Variants in ERLIN2 observed in about 807,000 individuals in gnomAD.
ERLIN2 encodes erlin-2.
In ERLIN2, 22 loss-of-function variants were observed where a neutral mutation model predicts 41.5. The ratio of observed to expected loss-of-function variants is 0.53; its 90% CI spans 0.38 to 0.76. The LOEUF (loss-of-function observed/expected upper bound fraction) is 0.76, where lower values mean the gene tolerates loss of function less well. Among genes scored for constraint, ERLIN2 ranks in the 30% least tolerant of loss-of-function variants. The pLI is 0.00. For synonymous variants in ERLIN2, 149 were observed against 150.9 expected (o/e 0.99, Z 0.09); for missense variants, 247 against 414.3 (o/e 0.60, Z 3.51).
At position 37,754,159 on chromosome 8, in the gene ERLIN2, A is replaced by G. The variant is rs1427483314; in HGVS notation, c.*44A>G. On this transcript the variant is annotated 3_prime_UTR_variant, in exon 12 of 12. Coordinates refer to ENST00000519638, the MANE Select transcript of ERLIN2 (RefSeq NM_007175.8). ...GCAAATGATACTTAAGCAGATCTTT[A>G]TTTTTTAAGATGAATCAGAATGTTC... 1 of 1,357,016 alleles carries G rather than the reference A, an allele frequency of 7.4e-7. No individual in the cohort carries two copies. The highest frequency in any genetic ancestry group is 1.0e-6 in the Non-Finnish European group (1 of 954,800). 84.1% of individuals were successfully genotyped at this position (1,357,016 alleles called of 1,614,324 possible).
At chr8:37,745,178 C>T in intron 6 of ERLIN2, 1 of 468,520 alleles carries the variant, frequency 2.1e-6, no homozygotes, top group Non-Finnish European at 3.8e-6. Context: ...TTCTTCTCAC[C>T]ATGCAACACT....
At chr8:37,747,291 A>T (rs1486241417) in intron 6 of ERLIN2, 1 of 843,916 alleles carries the variant, frequency 1.2e-6, no homozygotes, top group Non-Finnish European at 2.1e-6. Flanking sequence ...TTGTCTCCTG[A>T]TCTAAATGCT....
rs1467763984 is a variant in ERLIN2, at chr8:37,756,431, T to C, written c.*2316T>C. 1 of 152,574 alleles carries C rather than the reference T, an allele frequency of 6.6e-6. No individual in the cohort carries two copies. The highest frequency in any genetic ancestry group is 1.5e-5 in the Non-Finnish European group (1 of 68,054). 9.5% of individuals were successfully genotyped at this position (152,574 alleles called of 1,614,324 possible). A position where few individuals can be genotyped will look rare whatever the true frequency, so the allele number is the denominator to read the frequency against. ...CTCAGCTTCTCTGAATAGCACACTTTGCTCAGGTCTTAACTTGAGGGCCTC... is the reference window on the plus strand; with the variant it reads ...CTCAGCTTCTCTGAATAGCACACTTCGCTCAGGTCTTAACTTGAGGGCCTC... On this transcript the variant is annotated 3_prime_UTR_variant, in exon 12 of 12. Transcript: ENST00000519638.
At chr8:37,743,399 C>G (rs911570215) in intron 4 of ERLIN2, among the ~76,000 whole-genome samples, 1 of 152,174 alleles carries the variant, frequency 6.6e-6, no homozygotes, top group Admixed American at 6.5e-5. Context: ...AGGTGACCAC[C>G]TTTTTGTCAC....
chr8:37,749,501 C>G, intron 6 of ERLIN2, 58 bp from the exon 7 acceptor site: 132 of 1,149,322 alleles, frequency 1.1e-4, no homozygotes, highest in Middle Eastern at 1.9e-4. Flanking sequence ...CCTCATCCTG[C>G]CCTCCCTCAT....
Position 37,741,740 on chromosome 8 carries a change from C to A in ERLIN2, c.190-32C>A, listed in dbSNP as rs1396004264. 1 of 1,586,062 alleles carries A rather than the reference C, an allele frequency of 6.3e-7. No homozygotes were observed. Among genetic ancestry groups the A allele is most frequent in the Admixed American group, 1.7e-5 (1 of 59,988 alleles). ...AGTAAGTTACTTTGTCACTGCCCATCTTCTAGCACTTTATGTTTCCTCTGT... is the reference window on the plus strand; with the variant it reads ...AGTAAGTTACTTTGTCACTGCCCATATTCTAGCACTTTATGTTTCCTCTGT... On this transcript the variant is annotated intron_variant, in intron 3 of 11. Transcript: ENST00000519638. The surrounding 1 kb of genome is among the most constrained non-coding windows in gnomAD (Gnocchi z 4.8).
chr8:37,746,140 A>G (rs901310917), intron 6 of ERLIN2: 1 of 992,894 alleles, frequency 1.0e-6, no homozygotes, highest in Non-Finnish European at 1.2e-6. Context: ...AGCAAGCACT[A>G]CTTGGCTTAG....
intron 6 of ERLIN2, chr8:37,747,701 A>G (rs1362149376): frequency 1.3e-6 from 2 of 1,579,666 alleles, no homozygotes; most frequent in Admixed American, 1.7e-5. Context: ...TGGGATTGGT[A>G]GAAGAGCAGC....
intron 11 of ERLIN2, among the ~76,000 whole-genome samples, 156 bp from the exon 12 acceptor site, chr8:37,753,759 C>T (rs1405310963): frequency 6.6e-6 from 1 of 152,090 alleles, no homozygotes; most frequent in Non-Finnish European, 1.5e-5. Context: ...CACCTATGCT[C>T]CAAGATCTGA....
Position 37,757,132 on chromosome 8 carries a change from A to T in ERLIN2, c.*3017A>T, listed in dbSNP as rs1005927226. ...TTATAAATGATCATTCACTGTTCCT[A>T]TGGTTCTATGTATCTTTCAAACCGA... On this transcript the variant is annotated 3_prime_UTR_variant, in exon 12 of 12. Coordinates refer to ENST00000519638, the MANE Select transcript of ERLIN2 (RefSeq NM_007175.8). The T allele has an allele frequency of 6.6e-6, 1 of 152,202 alleles. No homozygotes were observed. Among genetic ancestry groups the T allele is most frequent in the African/African-American group, 2.4e-5 (1 of 41,462 alleles). The allele number at this position is 152,202 out of a possible 1,614,324, so 9.4% of individuals were successfully genotyped here.
In ERLIN2 at chr8:37,754,055, T is replaced by C; in HGVS notation, c.960T>C (p.Ala320=). The C allele has an allele frequency of 6.2e-7, 1 of 1,614,150 alleles. No individual in the cohort carries two copies. Among genetic ancestry groups the C allele is most frequent in the Non-Finnish European group, 8.5e-7 (1 of 1,180,010 alleles). ...GSVSKQFEGL[A]DKLSFGLEDE... ...TGAGCAAGCAGTTTGAGGGGCTAGC[T>C]GACAAGCTAAGCTTTGGCTTAGAAG... Residue 320 remains alanine, a synonymous_variant, in exon 12 of 12, where the codon GCT becomes GCC. Transcript: ENST00000519638.
At chr8:37,747,702 G>A in intron 6 of ERLIN2, 1 of 1,580,974 alleles carries the variant, frequency 6.3e-7, no homozygotes, top group South Asian at 1.1e-5. Flanking sequence ...GGGATTGGTA[G>A]AAGAGCAGCA....
In ERLIN2 at chr8:37,756,067, T is replaced by A. The variant is rs1318432825; in HGVS notation, c.*1952T>A. On this transcript the variant is annotated 3_prime_UTR_variant, in exon 12 of 12. Transcript: ENST00000519638. ...AGCCGGGCATGGTGTCAGGCACCTG[T>A]AATCCCAGCTACTTGGGAGGCTGAG... 1 of 152,246 alleles carries A rather than the reference T, an allele frequency of 6.6e-6. No homozygotes were observed. Among genetic ancestry groups the A allele is most frequent in the African/African-American group, 2.4e-5 (1 of 41,410 alleles). The allele number at this position is 152,246 out of a possible 1,614,324, so 9.4% of individuals were successfully genotyped here.
At position 37,753,433 on chromosome 8, in the gene ERLIN2, C is replaced by T. The variant is rs1454774140; in HGVS notation, c.740-17C>T. ...TTTTAGCACTTCACCAAGTTCACTG[C>T]ACTCCTTCCCCCTCAGATGCTGCAT... On this transcript the variant is annotated splice_polypyrimidine_tract_variant and intron_variant, in intron 10 of 11. Coordinates refer to ENST00000519638, the MANE Select transcript of ERLIN2 (RefSeq NM_007175.8). 1 of 1,609,814 alleles carries T rather than the reference C, an allele frequency of 6.2e-7. No individual in the cohort carries two copies. The highest frequency in any genetic ancestry group is 1.3e-5 in the African/African-American group (1 of 74,854).
At position 37,736,660 on chromosome 8, in the gene ERLIN2, C is replaced by G. The variant is rs1802651473; in HGVS notation, c.-34C>G. Reference sequence around the variant, plus strand: ...CTCGTGGGCTCGGACGAGTACGGAGCGCCTGCAGGGACAGCCTGGTACGCG... The same window carrying G: ...CTCGTGGGCTCGGACGAGTACGGAGGGCCTGCAGGGACAGCCTGGTACGCG... On this transcript the variant is annotated 5_prime_UTR_variant, in exon 1 of 12. Transcript: ENST00000519638. The G allele has an allele frequency of 1.0e-6, 1 of 985,544 alleles. No individual in the cohort carries two copies. The highest frequency in any genetic ancestry group is 1.7e-5 in the African/African-American group (1 of 57,238). The allele number at this position is 985,544 out of a possible 1,614,324, so 61.0% of individuals were successfully genotyped here.
At position 37,758,208 on chromosome 8, in the gene ERLIN2, C is replaced by G. The variant is rs1803400203; in HGVS notation, c.*4093C>G. ...TCTCAGGTTTTTTTTAACAGGGATCCCAAGCTTTTTCTATTGGTTTGAGAG... is the reference window on the plus strand; with the variant it reads ...TCTCAGGTTTTTTTTAACAGGGATCGCAAGCTTTTTCTATTGGTTTGAGAG... On this transcript the variant is annotated 3_prime_UTR_variant, in exon 12 of 12. Transcript: ENST00000519638. The G allele has an allele frequency of 1.3e-5, 2 of 152,070 alleles. No individual in the cohort carries two copies. Among genetic ancestry groups the G allele is most frequent in the African/African-American group, 4.8e-5 (2 of 41,388 alleles). 9.4% of individuals were successfully genotyped at this position (152,070 alleles called of 1,614,324 possible).
chr8:37,741,083 A>G lies in ERLIN2; in HGVS notation c.189+637A>G, dbSNP rs1210976005. Among the ~76,000 whole-genome samples, 1 of 152,190 alleles carries G rather than the reference A, an allele frequency of 6.6e-6. No homozygotes were observed. Among genetic ancestry groups the G allele is most frequent in the Non-Finnish European group, 1.5e-5 (1 of 68,044 alleles). ...GCATTCAGGTACATTGTCTCATTTGAGTCTTGTAGTAATCCTGAGAATGGG... is the reference window on the plus strand; with the variant it reads ...GCATTCAGGTACATTGTCTCATTTGGGTCTTGTAGTAATCCTGAGAATGGG... On this transcript the variant is annotated intron_variant, in intron 3 of 11. Coordinates refer to ENST00000519638, the MANE Select transcript of ERLIN2 (RefSeq NM_007175.8). This position sits in a 1 kb window ranked among gnomAD's most constrained non-coding sequence, Gnocchi z 4.8.
intron 1 of ERLIN2, 141 bp from the exon 2 acceptor site, chr8:37,737,767 T>A: frequency 1.1e-6 from 1 of 904,952 alleles, no homozygotes; most frequent in South Asian, 1.5e-5. Flanking sequence ...AAGCGAGTTG[T>A]AGATCTAGCC....
At position 37,737,914 on chromosome 8, in the gene ERLIN2, G is replaced by A. The variant is rs1465350211; in HGVS notation, c.-9G>A. ...TCCCGTGTCTTTTCCCTAGGATAAA[G>A]GCTCACTGATGGCTCAGTTGGGAGC... On this transcript the variant is annotated 5_prime_UTR_variant, in exon 2 of 12. Transcript: ENST00000519638. The A allele has an allele frequency of 1.2e-6, 2 of 1,614,120 alleles. No individual in the cohort carries two copies. The highest frequency in any genetic ancestry group is 4.5e-5 in the East Asian group (2 of 44,878).
Sources: gnomAD v4.1 joint callset for allele counts (sites outside exome capture counted in the v4.1 genomes callset) on GRCh38, gnomAD v4.1.1 for gene constraint, Gnocchi (gnomAD v3.1) non-coding constraint, MANE v1.5 for transcripts, NCBI Gene and HGNC (gene_info 2026-07-23, HGNC 2026-07-21) for gene names.